INTS3: variants seen among roughly 807,000 people sequenced by gnomAD.
INTS3 encodes the protein SOSS complex subunit A.
INTS3 carries 34 observed loss-of-function variants against 146.3 expected under a neutral mutation model. That is an observed-to-expected ratio of 0.23 (90% CI 0.18 to 0.31). The LOEUF is 0.31. INTS3 is among the 10% of genes least tolerant of loss of function. INTS3 has a pLI of 1.00. For missense variants in INTS3, 757 were observed against 1,304.2 expected (o/e 0.58, Z 6.46); for synonymous variants, 475 against 494.9 (o/e 0.96, Z 0.53).
At chr1:153,759,986 G>A (rs1051548341) in intron 11 of INTS3, 6 of 501,972 alleles carry the variant, frequency 1.2e-5, no homozygotes, top group Non-Finnish European at 2.1e-5. Context: ...CTGCTCTTGG[G>A]TCTGCTCAGT....
intron 3 of INTS3, among the ~76,000 whole-genome samples, chr1:153,744,231 A>T (rs2101793438): frequency 6.6e-6 from 1 of 152,328 alleles, no homozygotes; most frequent in African/African-American, 2.4e-5. Flanking sequence ...GGAACTAGGC[A>T]GACAGTATCT....
chr1:153,753,141 T>C (rs1231977500), intron 8 of INTS3, among the ~76,000 whole-genome samples: 1 of 152,144 alleles, frequency 6.6e-6, no homozygotes, highest in African/African-American at 2.4e-5. Context: ...TGTAGTACTC[T>C]TATATTGAAC....
chr1:153,744,051 G>GTGTGTGTC (rs1671638286), intron 3 of INTS3, among the ~76,000 whole-genome samples: 1 of 143,316 alleles, frequency 7.0e-6, no homozygotes, highest in Admixed American at 6.8e-5. Context: ...GTGTGTGTGT[G>GTGTGTGTC]TGTGTGTGTG....
In INTS3 at chr1:153,747,376, G is replaced by T. The variant is rs765248528; in HGVS notation, c.517+13G>T. The T allele has an allele frequency of 2.1e-5, 34 of 1,603,130 alleles. No individual in the cohort carries two copies. The highest frequency in any genetic ancestry group is 2.8e-5 in the Non-Finnish European group (33 of 1,170,136). On this transcript the variant is annotated intron_variant, in intron 5 of 29. Coordinates refer to ENST00000318967, the MANE Select transcript of INTS3 (RefSeq NM_023015.5). ...AAGCAGATTGCAGGTGAGTTTGATG[G>T]CAGGAGCATAAAGAAGAAAGGAGGA... is the stretch of plus-strand genomic sequence containing the variant.
rs935296761 is a variant in INTS3 at position 153,772,155 on chromosome 1, G to T, written c.2721-185G>T. 1.3e-5 allele frequency among the ~76,000 whole-genome samples: 2 copies of T among 152,166 alleles called. No homozygotes were observed. The highest frequency in any genetic ancestry group is 4.8e-5 in the African/African-American group (2 of 41,444). ...TGGCCCTTTCTCCCCATCTTCCAGT[G>T]CCCCTGTGGCCAGGATCCCCTGTTC... On this transcript the variant is annotated intron_variant, in intron 26 of 29. Transcript: ENST00000318967. This position sits in a 1 kb window ranked among gnomAD's most constrained non-coding sequence, Gnocchi z 4.6.
At chr1:153,761,722 G>C in intron 14 of INTS3, 46 bp downstream of exon 14, 1 of 1,357,212 alleles carries the variant, frequency 7.4e-7, no homozygotes, top group South Asian at 1.2e-5. Flanking sequence ...AGAGGGGCAA[G>C]ACAACCAGGC....
At chr1:153,770,094 TGTGTGTGTGCTG>T in intron 23 of INTS3, 92 bp from the exon 24 acceptor site, 1 of 449,118 alleles carries the variant, frequency 2.2e-6, no homozygotes, top group East Asian at 4.5e-5. Context: ...TGTGTGTGTG[TGTGTGTGTGCTG>T]GTAGTCAGTG....
At position 153,766,111 on chromosome 1, in the gene INTS3, TTC is replaced by T. The variant is rs1177307531; in HGVS notation, c.2090+1052_2090+1053del. On this transcript the variant is annotated intron_variant, in intron 20 of 29. Transcript: ENST00000318967. ...GATCTTTTGTGACTTGCTTTTTTCTTTCTCTTTTTTTTTTTTTTTTTTTTTTT... is the reference window on the plus strand; with the variant it reads ...GATCTTTTGTGACTTGCTTTTTTCTTTCTTTTTTTTTTTTTTTTTTTTTTT... 1.3e-4 allele frequency among the ~76,000 whole-genome samples: 20 copies of T among 149,052 alleles called. 1 individual carries two copies. The highest frequency in any genetic ancestry group is 4.7e-4 in the African/African-American group (19 of 40,172).
At chr1:153,754,874 C>G in intron 9 of INTS3, 135 bp downstream of exon 9, 4 of 674,298 alleles carry the variant, frequency 5.9e-6, no homozygotes. Flanking sequence ...TACCTGGCTA[C>G]TGGCTTCTTT....
At chr1:153,741,463 CGA>C in intron 3 of INTS3, 95 bp downstream of exon 3, 1 of 908,596 alleles carries the variant, frequency 1.1e-6, no homozygotes, top group East Asian at 2.4e-5. Flanking sequence ...TGAAACTCTT[CGA>C]CCAGAGCTGG....
chr1:153,770,935 C>T lies in INTS3; in HGVS notation c.2552+202C>T, dbSNP rs532116916. On this transcript the variant is annotated intron_variant, in intron 25 of 29. Transcript: ENST00000318967. ...CTTCCTCTCGACTTTACCCCCCTGC[C>T]CACCAGGAGCTGCCCTCGGAGGTGG... Among the ~76,000 whole-genome samples, 9 of 152,268 alleles carry T rather than the reference C, an allele frequency of 5.9e-5. No individual in the cohort carries two copies. In the South Asian group the frequency reaches 1.2e-3, roughly 21 times the overall value.
chr1:153,748,870 G>A, intron 6 of INTS3, 115 bp downstream of exon 6: 1 of 828,226 alleles, frequency 1.2e-6, no homozygotes, highest in Non-Finnish European at 2.1e-6. Context: ...AGTTAGAGAG[G>A]GGGAGGCAAG....
chr1:153,759,349 CCA>C (rs1487794876), intron 10 of INTS3, among the ~76,000 whole-genome samples, 175 bp from the exon 11 acceptor site: 2 of 151,920 alleles, frequency 1.3e-5, no homozygotes, highest in East Asian at 3.9e-4. Context: ...GACCATAAGA[CCA>C]CAGAGTATTC....
At chr1:153,739,186 C>T (rs1671422293) in intron 1 of INTS3, among the ~76,000 whole-genome samples, 1 of 152,170 alleles carries the variant, frequency 6.6e-6, no homozygotes, top group African/African-American at 2.4e-5. Flanking sequence ...GCCTCAGGCT[C>T]TCGAGTAGCT....
rs779878606 is a variant in INTS3, at chr1:153,759,590, A to T, written c.1214A>T (p.Asp405Val). ...LFYDWLFFSPDKDSIMNIEPA... is the reference protein window; with the variant it reads ...LFYDWLFFSPVKDSIMNIEPA... ...TATGACTGGCTGTTCTTTAGTCCAGACAAGGATAGCATTATGAACATAGGT... is the reference window on the plus strand; with the variant it reads ...TATGACTGGCTGTTCTTTAGTCCAGTCAAGGATAGCATTATGAACATAGGT... Residue 405 changes from aspartate (D) to valine (V), a missense_variant, in exon 11 of 30, where the codon GAC (aspartate) becomes GTC (valine). Asp to Val is a radical substitution (Grantham distance 152). Around this residue, in one of 8 missense-constraint regions of INTS3, gnomAD observed 35 missense variants for 122.2 expected, o/e 0.29. Transcript: ENST00000318967. 1.2e-6 allele frequency: 2 copies of T among 1,613,514 alleles called. No individual in the cohort carries two copies. The highest frequency in any genetic ancestry group is 1.7e-6 in the Non-Finnish European group (2 of 1,179,504).
In INTS3 at chr1:153,770,654, C is replaced by A. The variant is rs754530755; in HGVS notation, c.2504-31C>A. ...GATTCCATCCTGGAATCATACCTTC[C>A]CCCTGAACAGCCTCTGCCCTTCCCT... is the stretch of plus-strand genomic sequence containing the variant. On this transcript the variant is annotated intron_variant, in intron 24 of 29. Coordinates refer to ENST00000318967, the MANE Select transcript of INTS3 (RefSeq NM_023015.5). The A allele has an allele frequency of 4.4e-6, 7 of 1,595,704 alleles. No individual in the cohort carries two copies. In the South Asian group the frequency reaches 7.7e-5, roughly 18 times the overall value.
At chr1:153,730,592 T>A (rs371797129) in intron 1 of INTS3, among the ~76,000 whole-genome samples, 1 of 152,156 alleles carries the variant, frequency 6.6e-6, no homozygotes, top group African/African-American at 2.4e-5. Flanking sequence ...ATCCTGTTCT[T>A]CTGAGCAGTG....
intron 24 of INTS3, 89 bp downstream of exon 24, chr1:153,770,400 A>G: frequency 1.1e-6 from 1 of 878,576 alleles, no homozygotes; most frequent in Non-Finnish European, 1.9e-6. Context: ...TTCTAGGATG[A>G]GCCCAGATCC....
At chr1:153,749,438 A>G (rs1671873589) in intron 6 of INTS3, among the ~76,000 whole-genome samples, 1 of 152,194 alleles carries the variant, frequency 6.6e-6, no homozygotes, top group Non-Finnish European at 1.5e-5. Flanking sequence ...AGGACACCAT[A>G]GTAGTCAAAT....
Sources: allele counts gnomAD v4.1 joint callset (sites outside exome capture counted in the v4.1 genomes callset), GRCh38; gene constraint gnomAD v4.1.1; regional missense constraint gnomAD v4.1.1; non-coding constraint Gnocchi (gnomAD v3.1); transcripts MANE v1.5; gene names NCBI Gene and HGNC (gene_info 2026-07-23, HGNC 2026-07-21).